NCAPD3: variants seen among roughly 807,000 people sequenced by gnomAD.
NCAPD3 encodes the protein condensin-2 complex subunit D3.
NCAPD3 carries 105 observed loss-of-function variants against 182.9 expected under a neutral mutation model. The observed-to-expected ratio is 0.57, with a 90% CI of 0.49 to 0.68. NCAPD3 has a LOEUF of 0.68. Ranked by LOEUF, NCAPD3 falls within the 30% of genes least tolerant of loss-of-function variation. NCAPD3 has a pLI of 0.00. For missense variants in NCAPD3, 1,944 were observed against 1,837.0 expected (o/e 1.06, Z -1.07); for synonymous variants, 815 against 679.9 (o/e 1.20, Z -3.09).
chr11:134,176,691 C>G (rs1357867698), intron 23 of NCAPD3, among the ~76,000 whole-genome samples: 1 of 152,190 alleles, frequency 6.6e-6, no homozygotes, highest in Admixed American at 6.5e-5. Context: ...GACAGACATA[C>G]AACCTAAGTG....
rs775797574 is a variant in NCAPD3, at chr11:134,160,077, G to A, written c.3685-3C>T. 17 of 1,613,354 alleles carry A rather than the reference G, an allele frequency of 1.1e-5. No individual in the cohort carries two copies. The highest frequency in any genetic ancestry group is 2.2e-5 in the East Asian group (1 of 44,874). ...TCTCGGTAATCCTGCATCACCTCCT[G>A]AAACAGAGCCAGGAGCATCCTTTCA... On this transcript the variant is annotated splice_region_variant and splice_polypyrimidine_tract_variant and intron_variant, in intron 28 of 34. Transcript: ENST00000534548.
intron 16 of NCAPD3, chr11:134,185,906 C>CT (rs34931150): frequency 0.39 from 54,061 of 138,240 alleles, 11,371 homozygotes; most frequent in African/African-American, 0.58. Flanking sequence ...TAACATTGTC[C>CT]TTTTTTTTTT....
chr11:134,212,180 T>G (rs556205863), intron 3 of NCAPD3, among the ~76,000 whole-genome samples: 6 of 152,304 alleles, frequency 3.9e-5, no homozygotes, highest in Admixed American at 3.9e-4. Flanking sequence ...CTGCACTAAA[T>G]GTTTAAAAAT....
upstream of NCAPD3, chr11:134,225,025 C>G (rs1591874141): frequency 6.7e-6 from 8 of 1,189,970 alleles, no homozygotes; most frequent in African/African-American, 1.6e-5. Context: ...GCCGAGCGCG[C>G]TCGCGCATCG....
rs1373823096 is a variant in NCAPD3, at chr11:134,194,028, A to G, written c.1812T>C (p.Thr604=). Residue 604 remains threonine, a synonymous_variant, in exon 15 of 35, where the codon ACT becomes ACC. Transcript: ENST00000534548. ...SVRKQALQSL[T]ELLMAQPRCV... ...TCCTGCCTCTCACCATAAGGAGTTC[A>G]GTAAGAGACTGGAGGGCCTGCTTCC... 1 of 1,613,780 alleles carries G rather than the reference A, an allele frequency of 6.2e-7. No individual in the cohort carries two copies. The highest frequency in any genetic ancestry group is 8.5e-7 in the Non-Finnish European group (1 of 1,179,868).
upstream of NCAPD3, chr11:134,225,182 G>A: frequency 2.5e-6 from 4 of 1,614,158 alleles, no homozygotes; most frequent in Non-Finnish European, 3.4e-6. Context: ...ACGATGCAGA[G>A]AGTAGGAAGC....
intron 11 of NCAPD3, 56 bp from the exon 12 acceptor site, chr11:134,203,254 T>C (rs2136010800): frequency 1.6e-6 from 2 of 1,249,218 alleles, no homozygotes; most frequent in East Asian, 4.6e-5. Flanking sequence ...ACTGAGTAAT[T>C]ATCCACGGAG....
At chr11:134,181,302 C>T (rs1944291770) in intron 19 of NCAPD3, 118 bp from the exon 20 acceptor site, 1 of 637,566 alleles carries the variant, frequency 1.6e-6, no homozygotes, top group African/African-American at 1.8e-5. Context: ...AGGGGTGCTT[C>T]CTAGCTTTCC....
chr11:134,196,645 C>CAAAA (rs998502328), intron 13 of NCAPD3, among the ~76,000 whole-genome samples: 1 of 57,878 alleles, frequency 1.7e-5, no homozygotes, highest in Middle Eastern at 8.9e-3. Context: ...AACTCCATCT[C>CAAAA]AAAAAAAAAA....
intron 20 of NCAPD3, among the ~76,000 whole-genome samples, chr11:134,180,259 G>A (rs1944265978): frequency 1.3e-5 from 2 of 152,038 alleles, no homozygotes; most frequent in Non-Finnish European, 2.9e-5. Flanking sequence ...ACAAATCTAA[G>A]CTTGGTCGGT....
At chr11:134,220,378 A>G (rs79606346) in intron 2 of NCAPD3, among the ~76,000 whole-genome samples, 194 bp downstream of exon 2, 1 of 152,030 alleles carries the variant, frequency 6.6e-6, no homozygotes, top group Non-Finnish European at 1.5e-5. Flanking sequence ...AAAAAAAAAA[A>G]TCAGACAAGT....
At chr11:134,168,809 C>G in intron 25 of NCAPD3, 108 bp downstream of exon 25, 4 of 1,456,244 alleles carry the variant, frequency 2.7e-6, no homozygotes, top group Non-Finnish European at 2.8e-6. Flanking sequence ...CAGTAAAGAC[C>G]TGGGGCAGGG....
chr11:134,170,915 T>A (rs1330570784), intron 24 of NCAPD3, among the ~76,000 whole-genome samples: 23 of 152,238 alleles, frequency 1.5e-4, no homozygotes. Flanking sequence ...AGGGCAAGTT[T>A]CAGCCTTGAT....
At chr11:134,188,178 C>T (rs977379481) in intron 16 of NCAPD3, among the ~76,000 whole-genome samples, 3 of 151,974 alleles carry the variant, frequency 2.0e-5, no homozygotes, top group African/African-American at 7.3e-5. Context: ...CTGTGCCCAG[C>T]TAAAGGATTA....
chr11:134,186,445 T>C (rs990195398), intron 16 of NCAPD3, among the ~76,000 whole-genome samples: 1 of 152,228 alleles, frequency 6.6e-6, no homozygotes, highest in Admixed American at 6.5e-5. Flanking sequence ...ACTTCTGGGC[T>C]CAAGCCATCC....
At chr11:134,164,337 G>A (rs962999467) in intron 27 of NCAPD3, among the ~76,000 whole-genome samples, 18 of 152,250 alleles carry the variant, frequency 1.2e-4, no homozygotes, top group African/African-American at 4.3e-4. Context: ...TTTTGACAGA[G>A]TAAGTCAGAG....
chr11:134,165,796 G>C (rs1219095700), intron 27 of NCAPD3, among the ~76,000 whole-genome samples: 8 of 145,398 alleles, frequency 5.5e-5, no homozygotes, highest in Admixed American at 1.4e-4. Context: ...GAGCTTAGGG[G>C]AGATGCACAC....
rs540979832 is a variant in NCAPD3, at chr11:134,215,108, C to A, written c.382+1828G>T. ...AGAAACAAAAACCACATGAGCACTTCACAAGTGCAGAAAAGCGAATGACAA... is the reference window on the plus strand; with the variant it reads ...AGAAACAAAAACCACATGAGCACTTAACAAGTGCAGAAAAGCGAATGACAA... On this transcript the variant is annotated intron_variant, in intron 3 of 34. Coordinates refer to ENST00000534548, the MANE Select transcript of NCAPD3 (RefSeq NM_015261.3). Among the ~76,000 whole-genome samples the A allele has an allele frequency of 7.7e-4, 118 of 152,298 alleles. 1 individual carries two copies. Among genetic ancestry groups the A allele is most frequent in the African/African-American group, 2.7e-3 (114 of 41,572 alleles).
chr11:134,156,071 A>G (rs1306173837), intron 32 of NCAPD3, among the ~76,000 whole-genome samples: 1 of 152,188 alleles, frequency 6.6e-6, no homozygotes. Flanking sequence ...CAGGAAGAGC[A>G]CCTTAGCACG....
Sources: gnomAD v4.1 joint callset for allele counts (sites outside exome capture counted in the v4.1 genomes callset) on GRCh38, gnomAD v4.1.1 for gene constraint, MANE v1.5 for transcripts, NCBI Gene and HGNC (gene_info 2026-07-23, HGNC 2026-07-21) for gene names.